CTNNA2: variants seen among roughly 807,000 people sequenced by gnomAD.
CTNNA2 encodes catenin alpha-2.
In CTNNA2, 42 loss-of-function variants were observed where a neutral mutation model predicts 101.0. That is an observed-to-expected ratio of 0.42 (90% CI 0.32 to 0.54). The LOEUF (loss-of-function observed/expected upper bound fraction) is 0.54. CTNNA2 is among the 20% of genes least tolerant of loss of function. The probability of loss-of-function intolerance (pLI) is 0.14; values close to 1 mark genes in which losing one functional copy is unlikely to be tolerated. For synonymous variants in CTNNA2, 450 were observed against 456.4 expected, an observed-to-expected ratio of 0.99 and a Z score of 0.18; for missense variants, 871 against 1,223.1, an observed-to-expected ratio of 0.71 and a Z score of 4.29.
intron 7 of CTNNA2, chr2:80,305,033 A>T (rs1676787169): frequency 1.0e-6 from 1 of 980,302 alleles, no homozygotes; most frequent in Middle Eastern, 5.3e-4. Context: ...CCTTTTGGGG[A>T]TATATTCTTT....
At chr2:79,974,072 C>T (rs960861062) in intron 7 of CTNNA2, among the ~76,000 whole-genome samples, 20 of 152,044 alleles carry the variant, frequency 1.3e-4, no homozygotes, top group Non-Finnish European at 2.5e-4. Flanking sequence ...TTCCCTTTGT[C>T]GCCATCTTCA....
chr2:79,308,527 T>G (rs1224496350), intron 2 of CTNNA2, among the ~76,000 whole-genome samples: 2 of 152,192 alleles, frequency 1.3e-5, no homozygotes. Flanking sequence ...ATTTGTTTAT[T>G]TTTGCTTTTG....
At chr2:79,341,899 G>T (rs1447378737) in intron 3 of CTNNA2, among the ~76,000 whole-genome samples, 1 of 152,168 alleles carries the variant, frequency 6.6e-6, no homozygotes, top group Non-Finnish European at 1.5e-5. Context: ...TGACCTAGGA[G>T]TCTGATGTCT....
chr2:80,336,561 A>G (rs1200594379), intron 7 of CTNNA2, among the ~76,000 whole-genome samples: 2 of 152,152 alleles, frequency 1.3e-5, no homozygotes, highest in African/African-American at 2.4e-5. Flanking sequence ...TTTTAGGTAA[A>G]ATTTATACAC....
intron 7 of CTNNA2, among the ~76,000 whole-genome samples, chr2:80,284,981 G>T (rs995140097): frequency 6.6e-6 from 1 of 152,136 alleles, no homozygotes; most frequent in Non-Finnish European, 1.5e-5. Flanking sequence ...CCTAGTGTTT[G>T]TTCATTGCAA....
chr2:79,945,246 G>T (rs1335096511), intron 7 of CTNNA2, among the ~76,000 whole-genome samples: 1 of 152,016 alleles, frequency 6.6e-6, no homozygotes, highest in East Asian at 1.9e-4. Context: ...TCGCTATGTT[G>T]CCCAGGCTGG....
At chr2:79,966,461 C>T (rs1360623698) in intron 7 of CTNNA2, among the ~76,000 whole-genome samples, 1 of 152,112 alleles carries the variant, frequency 6.6e-6, no homozygotes, top group Non-Finnish European at 1.5e-5. Flanking sequence ...GTCTCAAATG[C>T]TTGGGCTCCA....
At chr2:80,283,337 G>A (rs13425518) in intron 7 of CTNNA2, among the ~76,000 whole-genome samples, 13,494 of 152,072 alleles carry the variant, frequency 0.089, 1,378 homozygotes, top group African/African-American at 0.25. Flanking sequence ...TTAAGGAAAT[G>A]CTGGTTTGAG....
rs1351916730 is a variant in CTNNA2, at chr2:79,359,212, G to T, written c.-317-14619G>T. Among the ~76,000 whole-genome samples, 3 of 152,160 alleles carry T rather than the reference G, an allele frequency of 2.0e-5. No homozygotes were observed. The East Asian group carries it at 5.8e-4, about 29-fold the overall frequency. On this transcript the variant is annotated intron_variant, in intron 3 of 21. Transcript: ENST00000466387. ...TGGGATAAAGTGGGAGATTACATAA[G>T]AAGGCCAAGTATGATGTTGCTGCAA...
intron 4 of CTNNA2, among the ~76,000 whole-genome samples, chr2:79,455,287 C>G (rs1296961330): frequency 2.0e-5 from 3 of 152,152 alleles, no homozygotes; most frequent in African/African-American, 7.2e-5. Context: ...CATATTTATA[C>G]TCCTACACAT....
chr2:80,453,778 C>T (rs1453238825), intron 9 of CTNNA2, among the ~76,000 whole-genome samples: 1 of 152,120 alleles, frequency 6.6e-6, no homozygotes, highest in Non-Finnish European at 1.5e-5. Flanking sequence ...GTCCTTTGAC[C>T]TGACTGTAAA....
At chr2:79,381,141 AG>A (rs1485140399) in intron 4 of CTNNA2, among the ~76,000 whole-genome samples, 1 of 152,214 alleles carries the variant, frequency 6.6e-6, no homozygotes, top group Non-Finnish European at 1.5e-5. Context: ...GCTTTTCCAT[AG>A]CACCACAGTG....
At chr2:79,734,848 T>A (rs6722073) in intron 2 of CTNNA2, among the ~76,000 whole-genome samples, 66,437 of 152,026 alleles carry the variant, frequency 0.44, 16,877 homozygotes, top group African/African-American at 0.72. Flanking sequence ...AAGTATCAAT[T>A]TCCTTGGTAA....
At chr2:79,787,591 T>C (rs1674946969) in intron 3 of CTNNA2, among the ~76,000 whole-genome samples, 1 of 152,160 alleles carries the variant, frequency 6.6e-6, no homozygotes, top group Non-Finnish European at 1.5e-5. Flanking sequence ...AGTCAGAAGT[T>C]TAAAATCAGT....
intron 1 of CTNNA2, among the ~76,000 whole-genome samples, chr2:79,185,929 G>T (rs1045295920): frequency 6.6e-6 from 1 of 152,286 alleles, no homozygotes; most frequent in South Asian, 2.1e-4. Flanking sequence ...GCTATTGTCA[G>T]ATATATGTTT....
At chr2:80,187,576 G>A (rs1180805535) in intron 7 of CTNNA2, among the ~76,000 whole-genome samples, 2 of 152,150 alleles carry the variant, frequency 1.3e-5, no homozygotes, top group Non-Finnish European at 2.9e-5. Flanking sequence ...TTCAGCCCAA[G>A]AACGAGGGCA....
chr2:80,540,893 G>T (rs1691496124), intron 9 of CTNNA2, among the ~76,000 whole-genome samples: 1 of 152,016 alleles, frequency 6.6e-6, no homozygotes, highest in African/African-American at 2.4e-5. Context: ...ATGAAGTTTT[G>T]CCACATTTCC....
At chr2:80,077,046 A>AAAAC (rs911989172) in intron 7 of CTNNA2, among the ~76,000 whole-genome samples, 6 of 152,124 alleles carry the variant, frequency 3.9e-5, no homozygotes, top group African/African-American at 9.7e-5. Flanking sequence ...ACTCTGTCTC[A>AAAAC]AAACAAACAA....
At chr2:79,658,372 A>G (rs1235020451) in intron 2 of CTNNA2, among the ~76,000 whole-genome samples, 2 of 152,012 alleles carry the variant, frequency 1.3e-5, no homozygotes, top group Non-Finnish European at 2.9e-5. Flanking sequence ...GAAATGCCTA[A>G]TGGTATGCTT....
Sources: gnomAD v4.1 joint callset for allele counts (sites outside exome capture counted in the v4.1 genomes callset) on GRCh38, gnomAD v4.1.1 for gene constraint, MANE v1.5 for transcripts, NCBI Gene and HGNC (gene_info 2026-07-23, HGNC 2026-07-21) for gene names.